The following CAMTA1 variants were observed in gnomAD, a reference collection of about 807,000 sequenced individuals.
The protein encoded by CAMTA1 is calmodulin binding transcription activator 1, also known as calmodulin-binding transcription activator 1.
A neutral mutation model predicts 170.9 loss-of-function variants in CAMTA1; 27 were observed. That is an observed-to-expected ratio of 0.16 (90% CI 0.12 to 0.22). The LOEUF (loss-of-function observed/expected upper bound fraction) is 0.22, where lower values mean the gene tolerates loss of function less well. CAMTA1 is among the 10% of genes least tolerant of loss of function. CAMTA1 has a pLI of 1.00. For missense variants in CAMTA1, 1,619 were observed against 2,217.2 expected (o/e 0.73, Z 5.42); for synonymous variants, 833 against 891.5 (o/e 0.93, Z 1.17).
At chr1:7,492,539 G>A (rs1418591152) in intron 6 of CAMTA1, among the ~76,000 whole-genome samples, 1 of 152,120 alleles carries the variant, frequency 6.6e-6, no homozygotes, top group Non-Finnish European at 1.5e-5. Context: ...ATAGCACTGT[G>A]AGGGCTTGAA....
At chr1:7,127,150 G>A (rs780644752) in intron 4 of CAMTA1, among the ~76,000 whole-genome samples, 16 of 151,948 alleles carry the variant, frequency 1.1e-4, no homozygotes, top group East Asian at 3.9e-4. Flanking sequence ...GGGGCTAGCC[G>A]AGCAGCTGGG....
At chr1:7,503,841 A>G (rs2462925) in intron 6 of CAMTA1, among the ~76,000 whole-genome samples, 126,483 of 152,128 alleles carry the variant, frequency 0.83, 52,929 homozygotes, top group Middle Eastern at 0.93. Flanking sequence ...AGTTCCCTGC[A>G]AGTGTGACGC....
At chr1:6,899,400 T>G (rs1253013027) in intron 3 of CAMTA1, among the ~76,000 whole-genome samples, 1 of 152,260 alleles carries the variant, frequency 6.6e-6, no homozygotes, top group East Asian at 1.9e-4. Context: ...CCTGTAGGGC[T>G]GGGTATACAA....
chr1:7,743,354 A>G (rs2096832110), intron 16 of CAMTA1, among the ~76,000 whole-genome samples: 1 of 152,028 alleles, frequency 6.6e-6, no homozygotes, highest in Admixed American at 6.6e-5. Context: ...ACGTATGATA[A>G]AATTTACCCA....
At chr1:7,501,232 G>A (rs984376616) in intron 6 of CAMTA1, among the ~76,000 whole-genome samples, 1 of 152,150 alleles carries the variant, frequency 6.6e-6, no homozygotes, top group Non-Finnish European at 1.5e-5. Flanking sequence ...GCAGAGCAAG[G>A]CATCAAGCTG....
intron 9 of CAMTA1, among the ~76,000 whole-genome samples, chr1:7,670,639 A>G (rs2096051959): frequency 6.6e-6 from 1 of 151,968 alleles, no homozygotes; most frequent in African/African-American, 2.4e-5. Flanking sequence ...AGTTACACAA[A>G]AGGGAGAAGG....
At chr1:7,516,754 C>T (rs766573124) in intron 6 of CAMTA1, among the ~76,000 whole-genome samples, 1 of 152,172 alleles carries the variant, frequency 6.6e-6, no homozygotes, top group Non-Finnish European at 1.5e-5. Context: ...CCACTCCCCA[C>T]AGGCCAGAAG....
intron 6 of CAMTA1, among the ~76,000 whole-genome samples, chr1:7,605,149 G>T (rs554806439): frequency 6.6e-6 from 1 of 152,314 alleles, no homozygotes; most frequent in African/African-American, 2.4e-5. Flanking sequence ...ACTTGAGGAC[G>T]CAGTCTGTCC....
At chr1:6,839,575 G>A (rs1012254931) in intron 3 of CAMTA1, among the ~76,000 whole-genome samples, 11 of 152,170 alleles carry the variant, frequency 7.2e-5, no homozygotes, top group Admixed American at 5.9e-4. Flanking sequence ...AAGTAAACAA[G>A]TAGGTGAGGA....
chr1:7,318,293 TAAAG>T (rs796281411), intron 5 of CAMTA1, among the ~76,000 whole-genome samples: 44 of 152,326 alleles, frequency 2.9e-4, no homozygotes, highest in African/African-American at 9.9e-4. Context: ...GGTCAGCCCG[TAAAG>T]GCTTCCCTGG....
rs1286754655 is a variant in CAMTA1 at position 7,635,961 on chromosome 1, T to TA, written c.511-4438dup. On this transcript the variant is annotated intron_variant, in intron 6 of 22. Transcript: ENST00000303635. The surrounding 1 kb of genome is among the most constrained non-coding windows in gnomAD (Gnocchi z 4.4). ...AACCAGCCCCACGCCAGGAAATCGT[T>TA]ACTACTCAACTCTGGGCATTCCAGG... Among the ~76,000 whole-genome samples, 5 of 152,184 alleles carry TA rather than the reference T, an allele frequency of 3.3e-5. No homozygotes were observed. The highest frequency in any genetic ancestry group is 1.2e-4 in the African/African-American group (5 of 41,446).
chr1:7,143,298 A>G (rs768270611), intron 4 of CAMTA1, among the ~76,000 whole-genome samples: 2 of 152,178 alleles, frequency 1.3e-5, no homozygotes, highest in Non-Finnish European at 2.9e-5. Flanking sequence ...CTCCATTCTC[A>G]TCAGATATTA....
chr1:7,717,214 G>A (rs562143435), intron 11 of CAMTA1, among the ~76,000 whole-genome samples: 11 of 152,112 alleles, frequency 7.2e-5, no homozygotes, highest in Non-Finnish European at 1.3e-4. Context: ...CTGGTGACTC[G>A]AGTTCATCAT....
chr1:7,519,658 G>A (rs1006434858), intron 6 of CAMTA1, among the ~76,000 whole-genome samples: 2 of 151,778 alleles, frequency 1.3e-5, no homozygotes, highest in Non-Finnish European at 2.9e-5. Flanking sequence ...CTGAGCTTCA[G>A]GCCGCATACA....
chr1:7,295,212 G>A (rs558751840), intron 5 of CAMTA1, among the ~76,000 whole-genome samples: 1 of 152,236 alleles, frequency 6.6e-6, no homozygotes, highest in Admixed American at 6.5e-5. Context: ...AAGCTGGAAC[G>A]GGGCAACACA....
chr1:7,539,781 G>A (rs79821784), intron 6 of CAMTA1, among the ~76,000 whole-genome samples: 641 of 152,354 alleles, frequency 4.2e-3, no homozygotes, highest in African/African-American at 0.013. Flanking sequence ...AGGGCCAGAC[G>A]GCAGGGCCAA....
At chr1:7,129,162 C>A (rs1446665979) in intron 4 of CAMTA1, among the ~76,000 whole-genome samples, 3 of 152,016 alleles carry the variant, frequency 2.0e-5, no homozygotes, top group Non-Finnish European at 4.4e-5. Flanking sequence ...AAGAAGAAGA[C>A]TATAAGGTCA....
chr1:7,126,456 G>A (rs1440838164), intron 4 of CAMTA1, among the ~76,000 whole-genome samples: 1 of 152,160 alleles, frequency 6.6e-6, no homozygotes, highest in African/African-American at 2.4e-5. Context: ...TTTGTGATCT[G>A]CCAGGCTCTT....
Position 7,768,932 on chromosome 1 carries a change from A to G in CAMTA1, c.*2441A>G, listed in dbSNP as rs1177478710. 3 of 152,334 alleles carry G rather than the reference A, an allele frequency of 2.0e-5. No homozygotes were observed. Among genetic ancestry groups the G allele is most frequent in the Non-Finnish European group, 4.4e-5 (3 of 68,028 alleles). 9.4% of individuals were successfully genotyped at this position (152,334 alleles called of 1,614,324 possible). ...TACTGAATTTAGATATCTTTATTCC[A>G]TTTATTATGGTACAAATAACTGATG... On this transcript the variant is annotated 3_prime_UTR_variant, in exon 23 of 23. Coordinates refer to ENST00000303635, the MANE Select transcript of CAMTA1 (RefSeq NM_015215.4).
Sources: allele counts gnomAD v4.1 joint callset (sites outside exome capture counted in the v4.1 genomes callset), GRCh38; gene constraint gnomAD v4.1.1; non-coding constraint Gnocchi (gnomAD v3.1); transcripts MANE v1.5; gene names NCBI Gene and HGNC (gene_info 2026-07-23, HGNC 2026-07-21).